The following KCNG3 variants were observed in gnomAD, a reference collection of about 807,000 sequenced individuals.
KCNG3 encodes potassium voltage-gated channel modifier subfamily G member 3.
In KCNG3, 15 loss-of-function variants were observed where a neutral mutation model predicts 29.0. The ratio of observed to expected loss-of-function variants is 0.52; its 90% CI spans 0.35 to 0.80. KCNG3 has a LOEUF of 0.80. Among genes scored for constraint, KCNG3 ranks in the 30% least tolerant of loss-of-function variants. KCNG3 has a pLI of 0.01. For synonymous variants in KCNG3, 322 were observed against 248.9 expected (o/e 1.29, Z -2.76); for missense variants, 512 against 605.7 (o/e 0.85, Z 1.62).
At chr2:42,464,832 T>C (rs1007515490) in intron 1 of KCNG3, among the ~76,000 whole-genome samples, 3 of 152,152 alleles carry the variant, frequency 2.0e-5, no homozygotes, top group African/African-American at 7.2e-5. Flanking sequence ...GCAGTGCACA[T>C]AGCACAACGT....
At chr2:42,447,978 C>T (rs895707568) in intron 1 of KCNG3, among the ~76,000 whole-genome samples, 4 of 152,152 alleles carry the variant, frequency 2.6e-5, no homozygotes, top group Non-Finnish European at 4.4e-5. Context: ...AGAGGTTGTA[C>T]CAAATTACCC....
At chr2:42,426,735 C>A in the KCNG3 span, among the ~76,000 whole-genome samples, 1 of 152,218 alleles carries the variant, frequency 6.6e-6, no homozygotes, top group Non-Finnish European at 1.5e-5. Context: ...ATTTCATCTT[C>A]TTTCTTACAT....
At chr2:42,440,476 T>C (rs1672449252), downstream of KCNG3, 2 of 71,630 alleles carry the variant, frequency 2.8e-5, no homozygotes, top group South Asian at 8.1e-4. Context: ...TTTGTCTGTT[T>C]TCTTTAAAAA....
At chr2:42,474,634 A>C (rs906676883) in intron 1 of KCNG3, among the ~76,000 whole-genome samples, 1 of 152,154 alleles carries the variant, frequency 6.6e-6, no homozygotes, top group Non-Finnish European at 1.5e-5. Context: ...TTTAACAGAA[A>C]ATTTACATTG....
chr2:42,394,548 A>C, the KCNG3 span, among the ~76,000 whole-genome samples: 57 of 152,316 alleles, frequency 3.7e-4, no homozygotes, highest in Non-Finnish European at 5.0e-4. Flanking sequence ...CAAATCACTA[A>C]GCTAAAGGGA....
chr2:42,470,135 A>T (rs1673250761), intron 1 of KCNG3: 1 of 438,882 alleles, frequency 2.3e-6, no homozygotes, highest in African/African-American at 2.1e-5. Context: ...TAGAAAGGAT[A>T]AGGATGCTAA....
the KCNG3 span, among the ~76,000 whole-genome samples, chr2:42,409,699 CAAAAAAAAAAAAA>C: frequency 1.2e-4 from 6 of 51,982 alleles, no homozygotes; most frequent in Admixed American, 3.0e-4. Context: ...GTGCCTGTCT[CAAAAAAAAAAAAA>C]AAAAAAAAAA....
chr2:42,400,766 TC>T, the KCNG3 span, among the ~76,000 whole-genome samples: 1 of 151,790 alleles, frequency 6.6e-6, no homozygotes. Context: ...AAAAAGATTA[TC>T]CCACTGGAAA....
intron 1 of KCNG3, among the ~76,000 whole-genome samples, chr2:42,474,183 C>T (rs1264901527): frequency 6.6e-6 from 1 of 151,332 alleles, no homozygotes; most frequent in East Asian, 2.0e-4. Flanking sequence ...AGTGGGATCC[C>T]ACAACCCTTG....
intron 1 of KCNG3, among the ~76,000 whole-genome samples, chr2:42,465,990 G>A (rs1473792617): frequency 5.3e-5 from 8 of 152,254 alleles, no homozygotes; most frequent in Admixed American, 5.2e-4. Context: ...AACTGAAACC[G>A]TATACAGTCA....
chr2:42,489,438 A>G (rs1041292110), intron 1 of KCNG3, among the ~76,000 whole-genome samples: 6 of 152,184 alleles, frequency 3.9e-5, no homozygotes, highest in Admixed American at 2.0e-4. Context: ...AACAAATAGT[A>G]TAAGAGAATT....
the KCNG3 span, among the ~76,000 whole-genome samples, chr2:42,412,608 G>A: frequency 6.2e-3 from 948 of 152,170 alleles, 14 homozygotes; most frequent in African/African-American, 0.022. Context: ...CTTATTTCTT[G>A]GTAGACTGTT....
At chr2:42,453,001 C>T (rs923369296) in intron 1 of KCNG3, among the ~76,000 whole-genome samples, 46 of 152,256 alleles carry the variant, frequency 3.0e-4, no homozygotes, top group African/African-American at 8.4e-4. Flanking sequence ...AAGCTGGTCT[C>T]GAACTCCTGA....
chr2:42,443,059 G>C lies in KCNG3; in HGVS notation c.*875C>G, dbSNP rs1672519618. ...TAAACCTCTAGTGTTTGGGGGAGGA[G>C]GTTAAGAGAAGAAGAGGTTGTAATA... On this transcript the variant is annotated 3_prime_UTR_variant, in exon 2 of 2. Coordinates refer to ENST00000306078, the MANE Select transcript of KCNG3 (RefSeq NM_133329.6). 6.6e-6 allele frequency: 1 copy of C among 152,036 alleles called. No individual in the cohort carries two copies. Among genetic ancestry groups the C allele is most frequent in the Non-Finnish European group, 1.5e-5 (1 of 67,992 alleles). 9.4% of individuals were successfully genotyped at this position (152,036 alleles called of 1,614,324 possible). A position where few individuals can be genotyped will look rare whatever the true frequency, so the allele number is the denominator to read the frequency against.
chr2:42,475,636 T>A (rs1190015202), intron 1 of KCNG3, among the ~76,000 whole-genome samples: 2 of 148,534 alleles, frequency 1.3e-5, no homozygotes, highest in African/African-American at 5.0e-5. Flanking sequence ...GGTCTGAGAC[T>A]CTGTCTCTTT....
At chr2:42,411,408 A>G in the KCNG3 span, among the ~76,000 whole-genome samples, 5 of 152,222 alleles carry the variant, frequency 3.3e-5, no homozygotes, top group Admixed American at 3.3e-4. Flanking sequence ...AAGCACACGC[A>G]AAGTTTTTCC....
chr2:42,453,717 A>G (rs1215238055), intron 1 of KCNG3, among the ~76,000 whole-genome samples: 19 of 152,008 alleles, frequency 1.2e-4, no homozygotes. Flanking sequence ...ATTGGGTGTG[A>G]TCCCATTTGT....
At chr2:42,455,338 C>CATTA (rs1168213322) in intron 1 of KCNG3, among the ~76,000 whole-genome samples, 1 of 152,200 alleles carries the variant, frequency 6.6e-6, no homozygotes, top group African/African-American at 2.4e-5. Flanking sequence ...CTGACTTTGA[C>CATTA]ATTAATTAAT....
At chr2:42,426,148 G>T in the KCNG3 span, among the ~76,000 whole-genome samples, 3 of 152,070 alleles carry the variant, frequency 2.0e-5, no homozygotes, top group Non-Finnish European at 4.4e-5. Context: ...AATATTTGAT[G>T]CCCATTTAAA....
Sources: allele counts gnomAD v4.1 joint callset (sites outside exome capture counted in the v4.1 genomes callset), GRCh38; gene constraint gnomAD v4.1.1; transcripts MANE v1.5; gene names NCBI Gene and HGNC (gene_info 2026-07-23, HGNC 2026-07-21).